CTNNA1: variants seen among roughly 807,000 people sequenced by gnomAD.
The protein encoded by CTNNA1 is catenin alpha-1.
CTNNA1 carries 37 observed loss-of-function variants against 98.4 expected under a neutral mutation model. The observed-to-expected ratio is 0.38, with a 90% CI of 0.29 to 0.49. The LOEUF is 0.49. CTNNA1 is among the 20% of genes least tolerant of loss of function. The pLI, the probability that CTNNA1 is intolerant of heterozygous loss-of-function variation, is 0.95. For synonymous variants in CTNNA1, 404 were observed against 413.2 expected, an observed-to-expected ratio of 0.98 and a Z score of 0.27; for missense variants, 761 against 1,147.2, an observed-to-expected ratio of 0.66 and a Z score of 4.86.
At chr5:138,930,410 C>T (rs2150333221) in intron 14 of CTNNA1, 63 bp from the exon 15 acceptor site, 1 of 1,215,228 alleles carries the variant, frequency 8.2e-7, no homozygotes, top group Non-Finnish European at 1.2e-6. Flanking sequence ...ATATTCTTGG[C>T]TAATGCACTC....
chr5:138,773,204 C>G (rs150862733), intron 1 of CTNNA1, among the ~76,000 whole-genome samples: 1 of 152,136 alleles, frequency 6.6e-6, no homozygotes, highest in African/African-American at 2.4e-5. Context: ...CAGGACCCTG[C>G]GCTCATGAAA....
At chr5:138,903,635 A>C (rs1758563017) in intron 9 of CTNNA1, among the ~76,000 whole-genome samples, 1 of 152,240 alleles carries the variant, frequency 6.6e-6, no homozygotes, top group South Asian at 2.1e-4. Context: ...TGTATCATTG[A>C]GATGGCTGGA....
intron 7 of CTNNA1, chr5:138,870,441 G>T (rs566646465): frequency 2.0e-4 from 30 of 152,262 alleles, no homozygotes; most frequent in Non-Finnish European, 3.4e-4. Flanking sequence ...AAAAAATTTT[G>T]ATTTTTTTCA....
chr5:138,923,308 T>G (rs1237276113), intron 11 of CTNNA1, among the ~76,000 whole-genome samples: 1 of 152,220 alleles, frequency 6.6e-6, no homozygotes, highest in Non-Finnish European at 1.5e-5. Flanking sequence ...ATTCTTGTAA[T>G]TGGTTTAAAT....
intron 1 of CTNNA1, among the ~76,000 whole-genome samples, chr5:138,757,562 T>A (rs900623388): frequency 6.6e-6 from 1 of 152,230 alleles, no homozygotes; most frequent in Non-Finnish European, 1.5e-5. Context: ...CCTTTCATGA[T>A]GAGCTTTTAG....
chr5:138,882,324 A>G (rs1373117031), intron 7 of CTNNA1, among the ~76,000 whole-genome samples: 1 of 152,202 alleles, frequency 6.6e-6, no homozygotes, highest in Non-Finnish European at 1.5e-5. Context: ...AGAGCACGGC[A>G]TGTCTGAAGA....
intron 3 of CTNNA1, among the ~76,000 whole-genome samples, chr5:138,785,517 G>A (rs1755596612): frequency 0.015 from 1 of 66 alleles, no homozygotes; most frequent in Admixed American, 0.083. Context: ...ATTAACAGAT[G>A]AGTTTGGGCA....
chr5:138,839,246 C>T (rs1262291765), intron 7 of CTNNA1, among the ~76,000 whole-genome samples: 3 of 151,408 alleles, frequency 2.0e-5, no homozygotes, highest in African/African-American at 4.9e-5. Flanking sequence ...TTTTTTGAGA[C>T]GAAGTCTTGC....
intron 7 of CTNNA1, among the ~76,000 whole-genome samples, chr5:138,864,334 T>G (rs1764546114): frequency 6.6e-6 from 1 of 152,174 alleles, no homozygotes; most frequent in African/African-American, 2.4e-5. Flanking sequence ...TAGAAGCAAT[T>G]GGGAAAGTTA....
At chr5:138,921,669 C>T (rs561915251) in intron 11 of CTNNA1, among the ~76,000 whole-genome samples, 4 of 134,864 alleles carry the variant, frequency 3.0e-5, no homozygotes, top group South Asian at 4.7e-4. Flanking sequence ...GGCATGATCT[C>T]GGCTCACTGC....
chr5:138,853,265 G>C (rs1232582715), intron 7 of CTNNA1, among the ~76,000 whole-genome samples: 1 of 151,820 alleles, frequency 6.6e-6, no homozygotes, highest in Non-Finnish European at 1.5e-5. Context: ...TATTAAAGTT[G>C]CATTTCCCTT....
chr5:138,783,505 G>A (rs1755364951), intron 3 of CTNNA1, 133 bp downstream of exon 3: 1 of 710,388 alleles, frequency 1.4e-6, no homozygotes, highest in Admixed American at 2.9e-5. Flanking sequence ...AGTTATTGGA[G>A]ATGTATTAAG....
intron 1 of CTNNA1, among the ~76,000 whole-genome samples, chr5:138,759,526 C>T (rs534987531): frequency 6.6e-6 from 1 of 152,274 alleles, no homozygotes; most frequent in African/African-American, 2.4e-5. Context: ...CATTAAATTT[C>T]CTGGAAGTCT....
intron 5 of CTNNA1, among the ~76,000 whole-genome samples, chr5:138,815,927 A>G (rs2149747940): frequency 6.6e-6 from 1 of 152,316 alleles, no homozygotes; most frequent in Admixed American, 6.5e-5. Context: ...AATTAAACAA[A>G]TACTAATTTT....
At chr5:138,917,667 T>C in intron 10 of CTNNA1, 75 bp from the exon 11 acceptor site, 1 of 1,476,364 alleles carries the variant, frequency 6.8e-7, no homozygotes, top group Non-Finnish European at 9.3e-7. Context: ...GTGTGATGTC[T>C]CCTAGTGAAA....
rs1766139906 is a variant in CTNNA1, at chr5:138,934,591, A to G, written c.*502A>G. On this transcript the variant is annotated 3_prime_UTR_variant, in exon 18 of 18. Transcript: ENST00000302763. Reference sequence around the variant, plus strand: ...CTCTGGAGGGACAAACTCACTCAGTAAAACATAATGTATCATGAAGAAAAC... The same window carrying G: ...CTCTGGAGGGACAAACTCACTCAGTGAAACATAATGTATCATGAAGAAAAC... 6.8e-6 allele frequency: 1 copy of G among 146,926 alleles called. No homozygotes were observed. The highest frequency in any genetic ancestry group is 2.5e-5 in the African/African-American group (1 of 39,678). The allele number at this position is 146,926 out of a possible 1,614,324, so 9.1% of individuals were successfully genotyped here.
intron 9 of CTNNA1, among the ~76,000 whole-genome samples, chr5:138,903,049 T>G (rs73265414): frequency 0.013 from 1,969 of 152,256 alleles, 48 homozygotes; most frequent in African/African-American, 0.04. Context: ...AAGGTGGAAC[T>G]GTAAGTGTCA....
intron 7 of CTNNA1, among the ~76,000 whole-genome samples, chr5:138,859,248 G>A (rs1036198361): frequency 6.6e-6 from 1 of 152,150 alleles, no homozygotes; most frequent in Non-Finnish European, 1.5e-5. Flanking sequence ...TTGATGTTGA[G>A]GGAATGCTTC....
chr5:138,818,874 G>C (rs1036593505), intron 5 of CTNNA1, among the ~76,000 whole-genome samples: 12 of 152,152 alleles, frequency 7.9e-5, no homozygotes, highest in African/African-American at 2.7e-4. Flanking sequence ...CAGGCTCAGG[G>C]TTTTGTGAAC....
Sources: allele counts gnomAD v4.1 joint callset (sites outside exome capture counted in the v4.1 genomes callset), GRCh38; gene constraint gnomAD v4.1.1; transcripts MANE v1.5; gene names NCBI Gene and HGNC (gene_info 2026-07-23, HGNC 2026-07-21).